The following RGS4 variants were observed in gnomAD, a reference collection of about 807,000 sequenced individuals.
RGS4 encodes schizophrenia disorder 9.
Under a neutral mutation model 21.6 loss-of-function variants are expected in RGS4, and 15 were observed. The ratio of observed to expected loss-of-function variants is 0.69; its 90% CI spans 0.46 to 1.07. RGS4 has a LOEUF of 1.07. Ranked by LOEUF, RGS4 falls within the 50% of genes least tolerant of loss-of-function variation. RGS4 has a pLI of 0.00. For synonymous variants in RGS4, 94 were observed against 85.5 expected (o/e 1.10, Z -0.55); for missense variants, 237 against 239.0 (o/e 0.99, Z 0.06).
intron 3 of RGS4, 147 bp from the exon 4 acceptor site, chr1:163,073,309 A>G: frequency 1.7e-6 from 1 of 595,004 alleles, no homozygotes; most frequent in Non-Finnish European, 2.8e-6. Flanking sequence ...GGGTTACCTG[A>G]CTCCAGGTGA....
At position 163,073,512 on chromosome 1, in the gene RGS4, G is replaced by A. The variant is rs1284927007; in HGVS notation, c.268G>A (p.Asp90Asn). The A allele has an allele frequency of 6.2e-7, 1 of 1,607,374 alleles. No individual in the cohort carries two copies. The highest frequency in any genetic ancestry group is 1.1e-5 in the South Asian group (1 of 89,540). The change falls in exon 4 of 5, where the codon GAC becomes AAC. Residue 90 changes from aspartate to asparagine, a missense_variant. Physicochemically the swap from Asp to Asn is conservative, Grantham distance 23. Transcript: ENST00000367909. Reference protein sequence around the residue: ...LKSEYSEENIDFWISCEEYKK... With the variant: ...LKSEYSEENINFWISCEEYKK... ...GTCTGAATATAGTGAGGAGAATATT[G>A]ACTTCTGGATCAGCTGTGAAGAGTA...
chr1:163,073,888 C>T, intron 4 of RGS4: 1 of 392,762 alleles, frequency 2.5e-6, no homozygotes, highest in Non-Finnish European at 4.5e-6. Context: ...TCTATCTATT[C>T]CTTCTACCCA....
At chr1:163,072,207 T>G in intron 1 of RGS4, 188 bp from the exon 2 acceptor site, 1 of 967,876 alleles carries the variant, frequency 1.0e-6, no homozygotes, top group Non-Finnish European at 1.4e-6. Context: ...TGCCTCAAGG[T>G]TTTGTAGCAA....
chr1:163,073,122 G>T (rs1169850550), intron 3 of RGS4, among the ~76,000 whole-genome samples: 1 of 152,126 alleles, frequency 6.6e-6, no homozygotes, highest in Non-Finnish European at 1.5e-5. Context: ...GAAAAAAAAT[G>T]ATAAATATCA....
intron 1 of RGS4, 108 bp from the exon 2 acceptor site, chr1:163,072,287 C>A (rs112534087): frequency 1.3e-5 from 12 of 934,194 alleles, no homozygotes; most frequent in African/African-American, 6.7e-5. Context: ...GTTCCCTAAA[C>A]TGTCTCTGAG....
intron 1 of RGS4, chr1:163,072,108 AATGACGGGCAT>A: frequency 9.0e-7 from 1 of 1,106,234 alleles, no homozygotes; most frequent in Non-Finnish European, 1.1e-6. Flanking sequence ...GGTTGGTCAA[AATGACGGGCAT>A]ATAAAGGCTT....
chr1:163,074,613 C>A lies in RGS4; in HGVS notation c.*53C>A. The A allele has an allele frequency of 5.0e-6, 8 of 1,613,142 alleles. No homozygotes were observed. Among genetic ancestry groups the A allele is most frequent in the Non-Finnish European group, 6.8e-6 (8 of 1,179,384 alleles). The stretch of plus-strand genomic sequence containing the variant: ...TGCCAAGACTCTATGCTCTGGAAAA[C>A]CTGAGGCCAAATATTGATCTGTATT... On this transcript the variant is annotated 3_prime_UTR_variant, in exon 5 of 5. Coordinates refer to ENST00000367909, the MANE Select transcript of RGS4 (RefSeq NM_005613.6).
intron 1 of RGS4, 200 bp from the exon 2 acceptor site, chr1:163,072,195 A>G (rs16848915): frequency 4.8e-6 from 5 of 1,036,546 alleles, no homozygotes; most frequent in Admixed American, 3.7e-5. Flanking sequence ...TGGTGTTATG[A>G]CTGCCTCAAG....
intron 1 of RGS4, chr1:163,072,098 G>C: frequency 9.2e-7 from 1 of 1,082,322 alleles, no homozygotes; most frequent in Non-Finnish European, 1.1e-6. Flanking sequence ...AAAGATATTC[G>C]GTTGGTCAAA....
At chr1:163,074,232 A>C in intron 4 of RGS4, 89 bp from the exon 5 acceptor site, 5 of 1,542,272 alleles carry the variant, frequency 3.2e-6, no homozygotes, top group Non-Finnish European at 4.4e-6. Context: ...CAGAGGGTGC[A>C]CTGCCACTTA....
chr1:163,069,513 C>T lies in RGS4; in HGVS notation c.29C>T (p.Ala10Val). 1 of 1,613,308 alleles carries T rather than the reference C, an allele frequency of 6.2e-7. No homozygotes were observed. The highest frequency in any genetic ancestry group is 1.1e-5 in the South Asian group (1 of 91,044). Residue 10 changes from alanine to valine, a missense_variant, in exon 1 of 5, where the codon GCT becomes GTT. Ala to Val is a moderately conservative substitution (Grantham distance 64). Coordinates refer to ENST00000367909, the MANE Select transcript of RGS4 (RefSeq NM_005613.6). ...TGCAAAGGGCTTGCAGGTCTGCCGG[C>T]TTCTTGCTTGAGGAGGTAAGATTGC... is the stretch of plus-strand genomic sequence containing the variant. The part of the protein sequence containing the change: MCKGLAGLP[A>V]SCLRSAKDMK...
Position 163,075,942 on chromosome 1 carries a change from T to TTA in RGS4, c.*1382_*1383insTA. On this transcript the variant is annotated 3_prime_UTR_variant, in exon 5 of 5. Coordinates refer to ENST00000367909, the MANE Select transcript of RGS4 (RefSeq NM_005613.6). ...TTTCTTTTTAGGCTCTGAGACTAAA[T>TTA]GAGAGGAAAAGAAAAGAAAAAAAAA... The TTA allele has an allele frequency of 1.0e-5, 1 of 100,356 alleles. No individual in the cohort carries two copies. The highest frequency in any genetic ancestry group is 5.9e-3 in the Middle Eastern group (1 of 170). The allele number at this position is 100,356 out of a possible 1,614,324, so 6.2% of individuals were successfully genotyped here.
Position 163,072,832 on chromosome 1 carries a change from G to A in RGS4, c.177G>A (p.Trp59Ter), listed in dbSNP as rs761164403. 6.2e-7 allele frequency: 1 copy of A among 1,613,094 alleles called. No homozygotes were observed. ...TGAGCCAAGAGGAAGTCAAGAAATGGGCTGAATCACTGGAAAACCTGATTA... is the reference window on the plus strand; with the variant it reads ...TGAGCCAAGAGGAAGTCAAGAAATGAGCTGAATCACTGGAAAACCTGATTA... ...QRVSQEEVKK[W>*]AESLENLISH... The change falls in exon 3 of 5, where the codon TGG becomes TGA. Residue 59 changes from tryptophan to a stop codon, truncating the protein, a stop_gained. Coordinates refer to ENST00000367909, the MANE Select transcript of RGS4 (RefSeq NM_005613.6). LOFTEE classifies it high-confidence loss of function.
intron 1 of RGS4, 31 bp from the exon 2 acceptor site, chr1:163,072,364 C>G (rs1029135280): frequency 6.7e-7 from 1 of 1,490,888 alleles, no homozygotes; most frequent in Non-Finnish European, 9.3e-7. Flanking sequence ...CTGGTTATTA[C>G]TATTTATTCA....
At chr1:163,071,640 C>G (rs950867132) in intron 1 of RGS4, among the ~76,000 whole-genome samples, 1 of 151,988 alleles carries the variant, frequency 6.6e-6, no homozygotes, top group South Asian at 2.1e-4. Context: ...CTCCTAATAG[C>G]TGTTAAGCCT....
upstream of RGS4, chr1:163,069,295 G>A (rs1655222461): frequency 1.3e-6 from 2 of 1,551,184 alleles, no homozygotes; most frequent in Middle Eastern, 1.7e-4. Context: ...GTACTGCAGA[G>A]CGGTCGTCTG....
chr1:163,072,283 TA>T, intron 1 of RGS4, 111 bp from the exon 2 acceptor site: 1 of 930,896 alleles, frequency 1.1e-6, no homozygotes, highest in Non-Finnish European at 1.6e-6. Context: ...TCCCGTTCCC[TA>T]AACTGTCTCT....
Position 163,075,758 on chromosome 1 carries a change from C to A in RGS4, c.*1198C>A, listed in dbSNP as rs747508590. The A allele has an allele frequency of 6.6e-6, 1 of 152,108 alleles. No individual in the cohort carries two copies. Among genetic ancestry groups the A allele is most frequent in the Non-Finnish European group, 1.5e-5 (1 of 67,982 alleles). 9.4% of individuals were successfully genotyped at this position (152,108 alleles called of 1,614,324 possible). A position where few individuals can be genotyped will look rare whatever the true frequency, so the allele number is the denominator to read the frequency against. On this transcript the variant is annotated 3_prime_UTR_variant, in exon 5 of 5. Coordinates refer to ENST00000367909, the MANE Select transcript of RGS4 (RefSeq NM_005613.6). ...GTTTTTTCTTTATAATGGCTCTGGGCTATATGCCTATATTTATAAACCAGC... is the reference window on the plus strand; with the variant it reads ...GTTTTTTCTTTATAATGGCTCTGGGATATATGCCTATATTTATAAACCAGC...
In RGS4 at chr1:163,074,131, A is replaced by T. The variant is rs374530168; in HGVS notation, c.379-190A>T. On this transcript the variant is annotated intron_variant, in intron 4 of 4. Coordinates refer to ENST00000367909, the MANE Select transcript of RGS4 (RefSeq NM_005613.6). Reference sequence around the variant, plus strand: ...CAGAAGATCTTGCCCTGCTCTCTCTAAAGCAGAAAGGTTCATTCTGAACCT... The same window carrying T: ...CAGAAGATCTTGCCCTGCTCTCTCTTAAGCAGAAAGGTTCATTCTGAACCT... 30 of 665,074 alleles carry T rather than the reference A, an allele frequency of 4.5e-5. No homozygotes were observed. The East Asian group carries it at 6.9e-4, about 15-fold the overall frequency. The allele number at this position is 665,074 out of a possible 1,614,324, so 41.2% of individuals were successfully genotyped here. A position where few individuals can be genotyped will look rare whatever the true frequency, so the allele number is the denominator to read the frequency against.
Sources: allele counts gnomAD v4.1 joint callset (sites outside exome capture counted in the v4.1 genomes callset), GRCh38; gene constraint gnomAD v4.1.1; transcripts MANE v1.5; gene names NCBI Gene and HGNC (gene_info 2026-07-23, HGNC 2026-07-21).